SEC24B: variants seen among roughly 807,000 people sequenced by gnomAD.
The protein encoded by SEC24B is protein transport protein Sec24B.
A neutral mutation model predicts 142.8 loss-of-function variants in SEC24B; 45 were observed. That is an observed-to-expected ratio of 0.32 (90% CI 0.25 to 0.40). The LOEUF (loss-of-function observed/expected upper bound fraction) is 0.40. Among genes scored for constraint, SEC24B ranks in the 10% least tolerant of loss-of-function variants. The pLI is 1.00. For missense variants in SEC24B, 1,409 were observed against 1,526.8 expected (o/e 0.92, Z 1.29); for synonymous variants, 574 against 568.2 (o/e 1.01, Z -0.15).
At chr4:109,497,435 T>G (rs541907769) in intron 6 of SEC24B, among the ~76,000 whole-genome samples, 1 of 152,316 alleles carries the variant, frequency 6.6e-6, no homozygotes, top group South Asian at 2.1e-4. Context: ...TAGGAAAGTT[T>G]GGATAAAGGG....
In SEC24B at chr4:109,451,910, C is replaced by T. The variant is rs1730133163; in HGVS notation, c.134-10991C>T. Reference sequence around the variant, plus strand: ...AGACTGATCTGTCACAGTCTGTATTCTAGCCTAGGTTTTCTTGATATCCTG... The same window carrying T: ...AGACTGATCTGTCACAGTCTGTATTTTAGCCTAGGTTTTCTTGATATCCTG... On this transcript the variant is annotated intron_variant, in intron 1 of 23. Coordinates refer to ENST00000265175, the MANE Select transcript of SEC24B (RefSeq NM_006323.5). Among the ~76,000 whole-genome samples the T allele has an allele frequency of 2.0e-5, 3 of 152,136 alleles. No homozygotes were observed. The South Asian group carries it at 6.2e-4, about 31-fold the overall frequency.
chr4:109,523,786 G>A (rs1490908031), intron 14 of SEC24B, among the ~76,000 whole-genome samples: 1 of 152,114 alleles, frequency 6.6e-6, no homozygotes, highest in African/African-American at 2.4e-5. Flanking sequence ...TAATCTTTAA[G>A]TTATTAAATA....
At chr4:109,506,107 G>A (rs1458526341) in intron 6 of SEC24B, among the ~76,000 whole-genome samples, 1 of 152,034 alleles carries the variant, frequency 6.6e-6, no homozygotes, top group East Asian at 1.9e-4. Flanking sequence ...CATTGTTGCT[G>A]AAATTTCATT....
chr4:109,505,579 T>C (rs1037033054), intron 6 of SEC24B, among the ~76,000 whole-genome samples: 3 of 152,180 alleles, frequency 2.0e-5, no homozygotes, highest in African/African-American at 7.2e-5. Context: ...TTTTCCATCT[T>C]TACCTGTTGC....
At chr4:109,499,149 A>G (rs1735845648) in intron 6 of SEC24B, among the ~76,000 whole-genome samples, 1 of 152,188 alleles carries the variant, frequency 6.6e-6, no homozygotes, top group African/African-American at 2.4e-5. Context: ...CTTTCACTAC[A>G]CCTTGCTAGG....
chr4:109,509,853 A>T (rs919636425), intron 7 of SEC24B, among the ~76,000 whole-genome samples, 156 bp from the exon 8 acceptor site: 1 of 152,148 alleles, frequency 6.6e-6, no homozygotes, highest in African/African-American at 2.4e-5. Flanking sequence ...TATATTGCAT[A>T]CATGCCTAAT....
chr4:109,505,514 T>G (rs1736588254), intron 6 of SEC24B, among the ~76,000 whole-genome samples: 1 of 152,134 alleles, frequency 6.6e-6, no homozygotes, highest in Admixed American at 6.5e-5. Context: ...CATCTTAAAT[T>G]TGTATTGGAA....
chr4:109,463,402 CCT>C lies in SEC24B; in HGVS notation c.637_638del (p.Ser213ThrfsTer7). On this transcript the variant is annotated frameshift_variant, in exon 2 of 24. Coordinates refer to ENST00000265175, the MANE Select transcript of SEC24B (RefSeq NM_006323.5). LOFTEE classifies it high-confidence loss of function. ...GGTGATACATATGGGCAAATGTTTACCTCACAGAATGCTCCGACTGTTAGGCC... is the reference window on the plus strand; with the variant it reads ...GGTGATACATATGGGCAAATGTTTACCACAGAATGCTCCGACTGTTAGGCC... 6 of 1,614,170 alleles carry C rather than the reference CCT, an allele frequency of 3.7e-6. No homozygotes were observed. In the South Asian group the frequency reaches 5.5e-5, roughly 15 times the overall value.
At chr4:109,534,728 C>G (rs547958247) in intron 22 of SEC24B, among the ~76,000 whole-genome samples, 4 of 152,170 alleles carry the variant, frequency 2.6e-5, no homozygotes, top group Non-Finnish European at 5.9e-5. Context: ...CAAACTCTTA[C>G]GATTATCTGT....
intron 6 of SEC24B, 73 bp from the exon 7 acceptor site, chr4:109,506,255 G>A (rs922696491): frequency 9.3e-7 from 1 of 1,079,762 alleles, no homozygotes. Flanking sequence ...TGTATGTTGA[G>A]ATATGTAGTA....
At chr4:109,524,712 CTCTT>C (rs1724029626) in intron 14 of SEC24B, 102 bp from the exon 15 acceptor site, 12 of 977,646 alleles carry the variant, frequency 1.2e-5, no homozygotes, top group Non-Finnish European at 1.8e-5. Flanking sequence ...ATTTAGAAAA[CTCTT>C]AGTTTGGTAG....
intron 10 of SEC24B, among the ~76,000 whole-genome samples, chr4:109,515,210 C>T (rs764961215): frequency 6.6e-5 from 10 of 152,076 alleles, no homozygotes; most frequent in Admixed American, 1.3e-4. Context: ...ACGACATTCT[C>T]CTGCCTCAGC....
intron 1 of SEC24B, among the ~76,000 whole-genome samples, chr4:109,460,420 G>GT (rs1350739251): frequency 3.9e-5 from 6 of 152,084 alleles, no homozygotes; most frequent in Admixed American, 6.6e-5. Flanking sequence ...ACAGATACCT[G>GT]TTTCCTTCCA....
intron 1 of SEC24B, chr4:109,449,414 T>TTC: frequency 2.8e-6 from 1 of 359,796 alleles, no homozygotes; most frequent in South Asian, 2.0e-5. Flanking sequence ...TTTTTTTTTG[T>TTC]AGAGACGGGA....
intron 3 of SEC24B, among the ~76,000 whole-genome samples, chr4:109,474,424 G>GTTT (rs71594186): frequency 7.7e-6 from 1 of 130,142 alleles, no homozygotes; most frequent in Non-Finnish European, 1.7e-5. Context: ...TCTTCCTATT[G>GTTT]TTTTTTTTTT....
intron 4 of SEC24B, among the ~76,000 whole-genome samples, chr4:109,485,087 T>C (rs1734212377): frequency 6.6e-6 from 1 of 152,178 alleles, no homozygotes; most frequent in African/African-American, 2.4e-5. Flanking sequence ...CTTTTCACTT[T>C]CTAGCTTTGT....
chr4:109,435,405 T>C (rs1728313374), intron 1 of SEC24B, among the ~76,000 whole-genome samples: 1 of 152,228 alleles, frequency 6.6e-6, no homozygotes. Flanking sequence ...TTAAAATAGC[T>C]TTATGAAGGA....
intron 6 of SEC24B, among the ~76,000 whole-genome samples, chr4:109,499,500 A>G (rs780750644): frequency 6.6e-6 from 1 of 152,188 alleles, no homozygotes; most frequent in African/African-American, 2.4e-5. Flanking sequence ...TTGTGTGTGT[A>G]TATACACACA....
At position 109,463,410 on chromosome 4, in the gene SEC24B, A is replaced by C. The variant is rs1731514470; in HGVS notation, c.643A>C (p.Asn215His). 6.2e-7 allele frequency: 1 copy of C among 1,614,062 alleles called. No homozygotes were observed. Among genetic ancestry groups the C allele is most frequent in the Non-Finnish European group, 8.5e-7 (1 of 1,180,030 alleles). ...DTYGQMFTSQ[N>H]APTVRPVKDN... is the part of the protein sequence containing the mutation. ...ATATGGGCAAATGTTTACCTCACAG[A>C]ATGCTCCGACTGTTAGGCCAGTTAA... The change falls in exon 2 of 24, where the codon AAT (asparagine) becomes CAT (histidine). Residue 215 changes from asparagine (N) to histidine (H), a missense_variant. Coordinates refer to ENST00000265175, the MANE Select transcript of SEC24B (RefSeq NM_006323.5).
Sources: gnomAD v4.1 joint callset for allele counts (sites outside exome capture counted in the v4.1 genomes callset) on GRCh38, gnomAD v4.1.1 for gene constraint, MANE v1.5 for transcripts, NCBI Gene and HGNC (gene_info 2026-07-23, HGNC 2026-07-21) for gene names.